RBPJ: variants seen among roughly 807,000 people sequenced by gnomAD.
RBPJ encodes the protein recombination signal binding protein for immunoglobulin kappa J region.
Under a neutral mutation model 67.8 loss-of-function variants are expected in RBPJ, and 9 were observed. That is an observed-to-expected ratio of 0.13 (90% confidence interval 0.08 to 0.23). The LOEUF (loss-of-function observed/expected upper bound fraction) is 0.23. RBPJ is among the 10% of genes least tolerant of loss of function. RBPJ has a pLI of 1.00. For synonymous variants in RBPJ, 198 were observed against 203.3 expected, an observed-to-expected ratio of 0.97 and a Z score of 0.22; for missense variants, 305 against 595.6, an observed-to-expected ratio of 0.51 and a Z score of 5.08.
upstream of RBPJ, among the ~76,000 whole-genome samples, chr4:26,162,214 C>T (rs1237436772): frequency 6.6e-6 from 1 of 152,178 alleles, no homozygotes; most frequent in Non-Finnish European, 1.5e-5. Context: ...TGTTAGTGTA[C>T]CCTGGAACAC....
chr4:26,283,771 C>T (rs529411840), intron 1 of RBPJ, among the ~76,000 whole-genome samples: 7 of 151,746 alleles, frequency 4.6e-5, no homozygotes, highest in Non-Finnish European at 7.4e-5. Context: ...CTCAGCCTCC[C>T]GAGTAGCTAG....
chr4:26,242,792 A>G (rs557123206), intron 1 of RBPJ, among the ~76,000 whole-genome samples: 3 of 152,040 alleles, frequency 2.0e-5, no homozygotes, highest in African/African-American at 7.2e-5. Context: ...ATTTTCTTAA[A>G]CCTCCATACT....
intron 1 of RBPJ, among the ~76,000 whole-genome samples, chr4:26,194,741 A>G (rs1717690851): frequency 6.6e-6 from 1 of 152,252 alleles, no homozygotes; most frequent in Non-Finnish European, 1.5e-5. Context: ...AGCTTCCCAG[A>G]GGAAGAAGCT....
chr4:26,109,642 GTCTCTCTC>G, the RBPJ span, among the ~76,000 whole-genome samples: 3 of 7,114 alleles, frequency 4.2e-4, no homozygotes, highest in Admixed American at 2.2e-3. Context: ...CTCTCTCTCT[GTCTCTCTC>G]TCTCTCTCTC....
intron 3 of RBPJ, among the ~76,000 whole-genome samples, chr4:26,408,350 A>G (rs1285589014): frequency 6.6e-6 from 1 of 151,860 alleles, no homozygotes; most frequent in Non-Finnish European, 1.5e-5. Flanking sequence ...AGAAGTTGGT[A>G]TCTGTAGTTT....
intron 1 of RBPJ, among the ~76,000 whole-genome samples, chr4:26,259,710 A>G (rs1027405284): frequency 2.6e-5 from 4 of 152,202 alleles, no homozygotes; most frequent in African/African-American, 9.6e-5. Flanking sequence ...TGAGAGGTCT[A>G]TGGTGTTGGC....
chr4:26,250,464 A>G (rs1253197093), intron 1 of RBPJ, among the ~76,000 whole-genome samples: 2 of 150,076 alleles, frequency 1.3e-5, no homozygotes, highest in African/African-American at 4.9e-5. Flanking sequence ...CCCAAGTAGC[A>G]GGGATTACAG....
chr4:26,405,639 T>A (rs1268899105), intron 2 of RBPJ, among the ~76,000 whole-genome samples: 1 of 152,166 alleles, frequency 6.6e-6, no homozygotes, highest in East Asian at 1.9e-4. Context: ...TATGTATTCG[T>A]ATGTGAACTA....
chr4:26,399,305 T>G (rs1273448005), intron 2 of RBPJ, among the ~76,000 whole-genome samples: 2 of 152,234 alleles, frequency 1.3e-5, no homozygotes, highest in African/African-American at 2.4e-5. Flanking sequence ...TTATTTTTCT[T>G]GACTATTCTG....
intron 1 of RBPJ, among the ~76,000 whole-genome samples, chr4:26,291,058 A>T (rs1322651921): frequency 2.7e-5 from 4 of 150,938 alleles, no homozygotes; most frequent in African/African-American, 9.7e-5. Flanking sequence ...TATTACCCAT[A>T]TTTCTATAAT....
At chr4:26,237,425 A>G (rs1719488825) in intron 1 of RBPJ, among the ~76,000 whole-genome samples, 1 of 152,230 alleles carries the variant, frequency 6.6e-6, no homozygotes, top group African/African-American at 2.4e-5. Context: ...CTCACAGTGC[A>G]TATTTTGCAC....
At chr4:26,319,133 C>CT (rs1163562948), upstream of RBPJ, among the ~76,000 whole-genome samples, 1 of 151,780 alleles carries the variant, frequency 6.6e-6, no homozygotes, top group Non-Finnish European at 1.5e-5. Flanking sequence ...ACTCTGGAGG[C>CT]TGTCTGTCAG....
At chr4:26,155,412 C>G in the RBPJ span, among the ~76,000 whole-genome samples, 46 of 149,462 alleles carry the variant, frequency 3.1e-4, no homozygotes, top group African/African-American at 1.1e-3. Context: ...ACCTTTTTCT[C>G]TTTTTAGTTT....
At chr4:26,256,215 ACCCTCCTC>A (rs1053961082) in intron 1 of RBPJ, among the ~76,000 whole-genome samples, 2 of 149,334 alleles carry the variant, frequency 1.3e-5, no homozygotes, top group African/African-American at 4.9e-5. Context: ...ATCGAAACAC[ACCCTCCTC>A]TGCCAAGCCA....
At chr4:26,422,770 T>G (rs1735274270) in intron 5 of RBPJ, among the ~76,000 whole-genome samples, 1 of 152,194 alleles carries the variant, frequency 6.6e-6, no homozygotes, top group African/African-American at 2.4e-5. Flanking sequence ...ACGTCAACAG[T>G]GATCTTAACA....
chr4:26,190,274 T>C (rs1333649094), intron 1 of RBPJ, among the ~76,000 whole-genome samples: 4 of 152,210 alleles, frequency 2.6e-5, no homozygotes, highest in African/African-American at 9.7e-5. Flanking sequence ...ACAATTGATC[T>C]TGATTGAGAA....
chr4:26,184,470 G>A (rs570798532), intron 1 of RBPJ, among the ~76,000 whole-genome samples: 80 of 152,222 alleles, frequency 5.3e-4, no homozygotes, highest in African/African-American at 1.7e-3. Context: ...GGCAGGCCAA[G>A]GTGATAAGCT....
the RBPJ span, among the ~76,000 whole-genome samples, chr4:26,134,015 C>T: frequency 2.8e-4 from 42 of 151,818 alleles, no homozygotes; most frequent in African/African-American, 7.2e-4. Context: ...AAGTTGAATA[C>T]GTTTATAAAT....
intron 1 of RBPJ, chr4:26,384,613 TCA>T (rs1730622222): frequency 6.6e-6 from 1 of 152,198 alleles, no homozygotes; most frequent in Non-Finnish European, 1.5e-5. Flanking sequence ...TAACAGGTTA[TCA>T]CATAGAAACC....
Sources: allele counts gnomAD v4.1 joint callset (sites outside exome capture counted in the v4.1 genomes callset), GRCh38; gene constraint gnomAD v4.1.1; transcripts MANE v1.5; gene names NCBI Gene and HGNC (gene_info 2026-07-23, HGNC 2026-07-21).